Variants in NAV3 observed in about 807,000 individuals in gnomAD.
The protein encoded by NAV3 is neuron navigator 3.
Under a neutral mutation model 244.7 loss-of-function variants are expected in NAV3, and 87 were observed. The observed-to-expected ratio is 0.36, with a 90% CI of 0.30 to 0.42. The LOEUF (loss-of-function observed/expected upper bound fraction) is 0.42. Among genes scored for constraint, NAV3 ranks in the 20% least tolerant of loss-of-function variants. The pLI is 1.00. For missense variants in NAV3, 2,663 were observed against 2,893.3 expected, an observed-to-expected ratio of 0.92 and a Z score of 1.83; for synonymous variants, 1,126 against 1,042.2, an observed-to-expected ratio of 1.08 and a Z score of -1.55.
chr12:77,843,592 A>AT (rs952796982), intron 1 of NAV3, among the ~76,000 whole-genome samples: 4 of 151,040 alleles, frequency 2.6e-5, no homozygotes, highest in Non-Finnish European at 4.4e-5. Flanking sequence ...ATCTATATTC[A>AT]TTTTTTCAAT....
intron 9 of NAV3, among the ~76,000 whole-genome samples, chr12:78,046,990 C>G (rs1371263609): frequency 6.6e-6 from 1 of 152,086 alleles, no homozygotes; most frequent in East Asian, 1.9e-4. Flanking sequence ...ATGCAATGTC[C>G]TTCTTTGTCT....
At chr12:77,741,000 T>C (rs1868318058) in intron 2 of NAV3, among the ~76,000 whole-genome samples, 1 of 151,626 alleles carries the variant, frequency 6.6e-6, no homozygotes, top group Non-Finnish European at 1.5e-5. Context: ...GGATTCCTGC[T>C]TGGGATAAAA....
At chr12:78,104,028 G>A (rs1430096299) in intron 12 of NAV3, among the ~76,000 whole-genome samples, 2 of 152,206 alleles carry the variant, frequency 1.3e-5, no homozygotes, top group African/African-American at 4.8e-5. Context: ...TCACCTTAGT[G>A]AACAGTATTC....
In NAV3 at chr12:77,694,927, C is replaced by T. The variant is rs79018020; in HGVS notation, c.72+122661C>T. On this transcript the variant is annotated intron_variant, in intron 2 of 8. Transcript: ENST00000550042. Reference sequence around the variant, plus strand: ...ACTAAGATATAGGAACTCAGGGACACAGCAAGGTTCTTTCCAATGGAAGTT... The same window carrying T: ...ACTAAGATATAGGAACTCAGGGACATAGCAAGGTTCTTTCCAATGGAAGTT... Among the ~76,000 whole-genome samples the T allele has an allele frequency of 5.8e-3, 886 of 152,272 alleles. 11 individuals carry two copies. Among genetic ancestry groups the T allele is most frequent in the African/African-American group, 0.02 (840 of 41,572 alleles).
intron 2 of NAV3, among the ~76,000 whole-genome samples, chr12:77,581,088 C>T (rs1016573733): frequency 6.6e-6 from 1 of 152,146 alleles, no homozygotes; most frequent in Admixed American, 6.6e-5. Flanking sequence ...TATTACTTGC[C>T]TTTAAGCTGT....
intron 2 of NAV3, among the ~76,000 whole-genome samples, chr12:77,825,153 CT>C (rs1872922567): frequency 6.6e-6 from 1 of 152,078 alleles, no homozygotes; most frequent in South Asian, 2.1e-4. Context: ...AAAGCAAACT[CT>C]TTTTTAGCCA....
intron 23 of NAV3, among the ~76,000 whole-genome samples, chr12:78,161,738 A>G (rs930957241): frequency 6.6e-6 from 1 of 152,072 alleles, no homozygotes; most frequent in Non-Finnish European, 1.5e-5. Flanking sequence ...TGAATTGCAA[A>G]CTGTATACAC....
intron 1 of NAV3, among the ~76,000 whole-genome samples, chr12:77,929,551 A>G (rs957229470): frequency 2.0e-5 from 3 of 152,098 alleles, no homozygotes; most frequent in Admixed American, 6.5e-5. Context: ...CGGCTTTTCT[A>G]TATCCCCACA....
intron 2 of NAV3, among the ~76,000 whole-genome samples, chr12:77,635,126 G>T (rs970062457): frequency 2.0e-5 from 3 of 152,058 alleles, no homozygotes; most frequent in African/African-American, 7.2e-5. Flanking sequence ...TACCTGGGAG[G>T]CTAAGGCAGG....
chr12:78,010,680 A>G (rs1875114911), intron 8 of NAV3, among the ~76,000 whole-genome samples: 1 of 152,138 alleles, frequency 6.6e-6, no homozygotes, highest in African/African-American at 2.4e-5. Context: ...AAAATTCTCA[A>G]TCAGAACTCA....
intron 4 of NAV3, 49 bp from the exon 5 acceptor site, chr12:77,968,470 G>A (rs552049692): frequency 7.1e-7 from 1 of 1,416,488 alleles, no homozygotes. Flanking sequence ...TTGTTAAAAA[G>A]GACATTAAAT....
chr12:78,201,551 C>T (rs1959705706), intron 38 of NAV3, among the ~76,000 whole-genome samples: 2 of 151,892 alleles, frequency 1.3e-5, no homozygotes, highest in African/African-American at 2.4e-5. Context: ...TTTTTCCTAA[C>T]TAAAAGATGA....
intron 24 of NAV3, among the ~76,000 whole-genome samples, chr12:78,172,390 G>A (rs1339314773): frequency 6.6e-6 from 1 of 151,548 alleles, no homozygotes; most frequent in Non-Finnish European, 1.5e-5. Flanking sequence ...GCAATACAAG[G>A]TTTGGAATTT....
intron 29 of NAV3, 136 bp downstream of exon 29, chr12:78,179,818 C>A (rs947453446): frequency 2.9e-6 from 3 of 1,040,346 alleles, no homozygotes; most frequent in African/African-American, 1.6e-5. Flanking sequence ...TCAGTCTTTG[C>A]AACTCATCTG....
chr12:78,179,461 A>G, intron 28 of NAV3, 68 bp from the exon 29 acceptor site: 1 of 1,584,636 alleles, frequency 6.3e-7, no homozygotes, highest in Non-Finnish European at 8.6e-7. Context: ...CAGCCTTTAA[A>G]AGAGGCAGTG....
intron 7 of NAV3, among the ~76,000 whole-genome samples, chr12:78,005,656 G>T (rs1313026137): frequency 6.6e-6 from 1 of 152,148 alleles, no homozygotes; most frequent in Non-Finnish European, 1.5e-5. Context: ...TAGAGCTTGG[G>T]CTGTAGAGTG....
At chr12:77,592,085 C>T (rs1280242116) in intron 2 of NAV3, among the ~76,000 whole-genome samples, 1 of 152,174 alleles carries the variant, frequency 6.6e-6, no homozygotes, top group African/African-American at 2.4e-5. Context: ...ACTCCAAAAC[C>T]AGCTTTGGAT....
At chr12:77,882,108 C>T (rs1470906285) in intron 1 of NAV3, among the ~76,000 whole-genome samples, 3 of 151,912 alleles carry the variant, frequency 2.0e-5, no homozygotes, top group African/African-American at 4.8e-5. Context: ...AAAAAGTGTC[C>T]GGACAGCCAA....
At chr12:78,016,820 T>G (rs993229388) in intron 8 of NAV3, among the ~76,000 whole-genome samples, 7 of 152,160 alleles carry the variant, frequency 4.6e-5, no homozygotes, top group East Asian at 1.9e-4. Context: ...ATTAGAGGTT[T>G]GATAGTGTCT....
Sources: gnomAD v4.1 joint callset for allele counts (sites outside exome capture counted in the v4.1 genomes callset) on GRCh38, gnomAD v4.1.1 for gene constraint, MANE v1.5 for transcripts, NCBI Gene and HGNC (gene_info 2026-07-23, HGNC 2026-07-21) for gene names.